ADGRL3: variants seen among roughly 807,000 people sequenced by gnomAD.
The protein encoded by ADGRL3 is adhesion G protein-coupled receptor L3.
Under a neutral mutation model 153.5 loss-of-function variants are expected in ADGRL3, and 62 were observed. That is an observed-to-expected ratio of 0.40 (90% CI 0.33 to 0.50). ADGRL3 has a LOEUF of 0.50. ADGRL3 is among the 20% of genes least tolerant of loss of function. The pLI is 0.47. For synonymous variants in ADGRL3, 710 were observed against 672.5 expected, an observed-to-expected ratio of 1.06 and a Z score of -0.86; for missense variants, 1,641 against 1,859.4, an observed-to-expected ratio of 0.88 and a Z score of 2.16.
intron 23 of ADGRL3, among the ~76,000 whole-genome samples, chr4:62,033,489 G>A (rs1252970106): frequency 1.3e-5 from 2 of 151,616 alleles, no homozygotes. Context: ...ATTAAAGATA[G>A]GAGAAAATGT....
intron 2 of ADGRL3, among the ~76,000 whole-genome samples, chr4:61,459,289 G>A (rs1471747987): frequency 6.6e-6 from 1 of 151,786 alleles, no homozygotes; most frequent in Non-Finnish European, 1.5e-5. Context: ...CCTGGAATGT[G>A]TATATTCTGG....
At chr4:61,664,225 G>T (rs2094705525) in intron 5 of ADGRL3, among the ~76,000 whole-genome samples, 1 of 152,284 alleles carries the variant, frequency 6.6e-6, no homozygotes, top group Middle Eastern at 3.4e-3. Context: ...TAATTTCTAT[G>T]AAAGCTGCAT....
At chr4:61,869,362 G>T (rs2098421787) in intron 9 of ADGRL3, among the ~76,000 whole-genome samples, 1 of 151,998 alleles carries the variant, frequency 6.6e-6, no homozygotes, top group South Asian at 2.1e-4. Context: ...ACTTTGGGAG[G>T]CCGAGGCGGG....
intron 5 of ADGRL3, among the ~76,000 whole-genome samples, chr4:61,670,638 A>C (rs777457963): frequency 2.6e-5 from 4 of 152,132 alleles, no homozygotes; most frequent in Non-Finnish European, 5.9e-5. Context: ...AAGTGACAGA[A>C]AAGCTCTCAG....
intron 1 of ADGRL3, among the ~76,000 whole-genome samples, chr4:61,374,421 T>C (rs1341854332): frequency 6.6e-6 from 1 of 152,192 alleles, no homozygotes; most frequent in Non-Finnish European, 1.5e-5. Flanking sequence ...AGTGTGCCTT[T>C]TTTTTTCACA....
intron 6 of ADGRL3, among the ~76,000 whole-genome samples, chr4:61,711,524 T>G (rs2095992024): frequency 9.7e-6 from 1 of 102,904 alleles, no homozygotes; most frequent in Admixed American, 1.1e-4. Flanking sequence ...AATAGCATGA[T>G]TGTAGAACTG....
At position 61,740,747 on chromosome 4, in the gene ADGRL3, C is replaced by T. The variant is rs188086960; in HGVS notation, c.1399+7193C>T. Among the ~76,000 whole-genome samples the T allele has an allele frequency of 1.6e-3, 244 of 152,262 alleles. 4 individuals carry two copies. The highest frequency in any genetic ancestry group is 5.5e-3 in the African/African-American group (230 of 41,562). ...CTACTGGTTGAGATTTAGTGAAAAACACATCCAGCAATAAGTACTAACAAT... is the reference window on the plus strand; with the variant it reads ...CTACTGGTTGAGATTTAGTGAAAAATACATCCAGCAATAAGTACTAACAAT... On this transcript the variant is annotated intron_variant, in intron 8 of 26. Coordinates refer to ENST00000683033, the MANE Select transcript of ADGRL3 (RefSeq NM_001387552.1).
intron 4 of ADGRL3, among the ~76,000 whole-genome samples, chr4:61,545,697 T>G (rs770258869): frequency 6.6e-5 from 10 of 152,124 alleles, no homozygotes; most frequent in Non-Finnish European, 1.2e-4. Flanking sequence ...TACTTTTTAG[T>G]AGAGGCAGGG....
chr4:61,326,329 G>A (rs1000392513), intron 1 of ADGRL3, among the ~76,000 whole-genome samples: 9 of 151,980 alleles, frequency 5.9e-5, no homozygotes, highest in African/African-American at 2.2e-4. Flanking sequence ...CACAGAAGGA[G>A]ATTCCTGACC....
intron 6 of ADGRL3, among the ~76,000 whole-genome samples, chr4:61,726,210 G>GTTTTTTTTTTTTGTTTTGTTTTT (rs149472429): frequency 8.4e-6 from 1 of 118,478 alleles, no homozygotes; most frequent in Non-Finnish European, 1.7e-5. Flanking sequence ...TTTTTTTTTT[G>GTTTTTTTTTTTTGTTTTGTTTTT]TTTTTTGAGA....
Position 61,716,613 on chromosome 4 carries a change from G to A in ADGRL3, c.584-14009G>A, listed in dbSNP as rs571815700. Among the ~76,000 whole-genome samples, 21 of 152,266 alleles carry A rather than the reference G, an allele frequency of 1.4e-4. No individual in the cohort carries two copies. In the South Asian group the frequency reaches 2.3e-3, roughly 17 times the overall value. On this transcript the variant is annotated intron_variant, in intron 6 of 26. Coordinates refer to ENST00000683033, the MANE Select transcript of ADGRL3 (RefSeq NM_001387552.1). ...TAAAACAGAAAGAGGGCACTGTTCA[G>A]TGACAGGACCAATAATATGTATTGT...
intron 6 of ADGRL3, among the ~76,000 whole-genome samples, chr4:61,697,129 TA>T (rs2151235058): frequency 6.6e-6 from 1 of 152,250 alleles, no homozygotes; most frequent in Admixed American, 6.5e-5. Flanking sequence ...TCAATATCCT[TA>T]AAAAATTTAT....
chr4:61,873,666 G>A (rs2098458372), intron 9 of ADGRL3, among the ~76,000 whole-genome samples: 2 of 152,236 alleles, frequency 1.3e-5, no homozygotes, highest in African/African-American at 4.8e-5. Flanking sequence ...AAGATCCTAA[G>A]ACCATTATCA....
At chr4:61,809,067 A>G (rs74475274) in intron 8 of ADGRL3, among the ~76,000 whole-genome samples, 14,036 of 152,182 alleles carry the variant, frequency 0.092, 730 homozygotes, top group Middle Eastern at 0.15. Flanking sequence ...TAAAATAATC[A>G]TGATCAACAG....
chr4:61,398,850 TC>T (rs1388486111), intron 2 of ADGRL3, among the ~76,000 whole-genome samples: 1 of 151,798 alleles, frequency 6.6e-6, no homozygotes, highest in African/African-American at 2.4e-5. Context: ...ATTTTTATCT[TC>T]CTCTTTCCTC....
At chr4:61,257,058 A>G (rs2092037898) in intron 1 of ADGRL3, among the ~76,000 whole-genome samples, 1 of 152,160 alleles carries the variant, frequency 6.6e-6, no homozygotes, top group South Asian at 2.1e-4. Context: ...AAAAATCTTA[A>G]TGTACATTCC....
At position 61,357,699 on chromosome 4, in the gene ADGRL3, A is replaced by G. The variant is rs1356482766; in HGVS notation, c.-239-25425A>G. On this transcript the variant is annotated intron_variant, in intron 1 of 26. Coordinates refer to ENST00000683033, the MANE Select transcript of ADGRL3 (RefSeq NM_001387552.1). ...CCAAATTTGGCCCCTGTGAAAATAC[A>G]TATATGTAAATTTTTTTGACACATA... Among the ~76,000 whole-genome samples, 3 of 152,322 alleles carry G rather than the reference A, an allele frequency of 2.0e-5. No individual in the cohort carries two copies. The East Asian group carries it at 5.8e-4, about 29-fold the overall frequency.
intron 5 of ADGRL3, among the ~76,000 whole-genome samples, chr4:61,669,048 G>T (rs1245031686): frequency 6.6e-6 from 1 of 152,146 alleles, no homozygotes; most frequent in Non-Finnish European, 1.5e-5. Flanking sequence ...GCCAGATTAA[G>T]AGTCTTATTA....
At chr4:61,532,216 A>G (rs1327690393) in intron 4 of ADGRL3, among the ~76,000 whole-genome samples, 1 of 152,300 alleles carries the variant, frequency 6.6e-6, no homozygotes, top group Non-Finnish European at 1.5e-5. Context: ...AGACAGAAAA[A>G]GTCTTGCATT....
Sources: gnomAD v4.1 joint callset for allele counts (sites outside exome capture counted in the v4.1 genomes callset) on GRCh38, gnomAD v4.1.1 for gene constraint, MANE v1.5 for transcripts, NCBI Gene and HGNC (gene_info 2026-07-23, HGNC 2026-07-21) for gene names.